UNC5D: variants seen among roughly 807,000 people sequenced by gnomAD.
UNC5D encodes the protein netrin receptor UNC5D.
UNC5D carries 39 observed loss-of-function variants against 105.4 expected under a neutral mutation model. The ratio of observed to expected loss-of-function variants is 0.37; its 90% CI spans 0.29 to 0.48. The LOEUF (loss-of-function observed/expected upper bound fraction) is 0.48. Ranked by LOEUF, UNC5D falls within the 20% of genes least tolerant of loss-of-function variation. The probability of loss-of-function intolerance (pLI) is 0.98; values close to 1 mark genes in which losing one functional copy is unlikely to be tolerated. For synonymous variants in UNC5D, 452 were observed against 450.4 expected, an observed-to-expected ratio of 1.00 and a Z score of -0.04; for missense variants, 991 against 1,202.4, an observed-to-expected ratio of 0.82 and a Z score of 2.60.
At chr8:35,509,670 C>G (rs904894331) in intron 1 of UNC5D, among the ~76,000 whole-genome samples, 18 of 151,376 alleles carry the variant, frequency 1.2e-4, no homozygotes, top group African/African-American at 4.4e-4. Context: ...TACCACAACA[C>G]AGAATACTTC....
At chr8:35,577,392 G>C (rs1239366733) in intron 3 of UNC5D, among the ~76,000 whole-genome samples, 1 of 152,182 alleles carries the variant, frequency 6.6e-6, no homozygotes, top group Non-Finnish European at 1.5e-5. Flanking sequence ...TGTTTTTGGA[G>C]AGTGAAGGTC....
chr8:35,268,298 G>A (rs1341261521), intron 1 of UNC5D, among the ~76,000 whole-genome samples: 1 of 151,444 alleles, frequency 6.6e-6, no homozygotes, highest in Admixed American at 6.6e-5. Context: ...AAAAAAACCT[G>A]AAAAACGTGG....
At chr8:35,774,184 C>A in intron 15 of UNC5D, 115 bp from the exon 16 acceptor site, 1 of 1,176,302 alleles carries the variant, frequency 8.5e-7, no homozygotes, top group Non-Finnish European at 1.2e-6. Context: ...GAGTCCATCA[C>A]AACAGGCAAG....
chr8:35,334,612 A>C (rs1025983458), intron 1 of UNC5D, among the ~76,000 whole-genome samples: 1 of 151,858 alleles, frequency 6.6e-6, no homozygotes, highest in Non-Finnish European at 1.5e-5. Context: ...TCCCAGATTC[A>C]AGCAATTCTC....
intron 1 of UNC5D, among the ~76,000 whole-genome samples, chr8:35,289,689 A>G (rs1396691585): frequency 6.6e-6 from 1 of 152,248 alleles, no homozygotes; most frequent in Non-Finnish European, 1.5e-5. Context: ...AACTCAAACA[A>G]TTCAATAGCA....
intron 4 of UNC5D, among the ~76,000 whole-genome samples, chr8:35,640,261 GT>G (rs1822632139): frequency 6.6e-6 from 1 of 151,956 alleles, no homozygotes; most frequent in South Asian, 2.1e-4. Flanking sequence ...AGGTTTCTTG[GT>G]TGCACAAAAT....
chr8:35,253,671 A>G (rs1803875380), intron 1 of UNC5D, among the ~76,000 whole-genome samples: 1 of 151,388 alleles, frequency 6.6e-6, no homozygotes, highest in Admixed American at 6.6e-5. Context: ...TATTTTTTTT[A>G]GTAGAGATGG....
chr8:35,283,353 A>G (rs1806336647), intron 1 of UNC5D, among the ~76,000 whole-genome samples: 1 of 152,160 alleles, frequency 6.6e-6, no homozygotes, highest in Non-Finnish European at 1.5e-5. Flanking sequence ...CTCTAATTAT[A>G]TCTGTGATGG....
At chr8:35,533,351 G>T (rs1352278421) in intron 1 of UNC5D, among the ~76,000 whole-genome samples, 1 of 152,104 alleles carries the variant, frequency 6.6e-6, no homozygotes, top group Admixed American at 6.5e-5. Context: ...CTCCCAGTTA[G>T]GCTGCTCGGG....
rs112550671 is a variant in UNC5D at position 35,411,134 on chromosome 8, C to A, written c.104-138158C>A. Among the ~76,000 whole-genome samples the A allele has an allele frequency of 4.6e-5, 7 of 152,066 alleles. 1 individual carries two copies. Among genetic ancestry groups the A allele is most frequent in the African/African-American group, 1.7e-4 (7 of 41,510 alleles). The stretch of plus-strand genomic sequence containing the variant: ...AGATAACAGGATAGTTTGAGAGGGG[C>A]ACCTAGTTAGTACAGGACAGTGCTA... On this transcript the variant is annotated intron_variant, in intron 1 of 16. Coordinates refer to ENST00000404895, the MANE Select transcript of UNC5D (RefSeq NM_080872.4).
At chr8:35,737,726 G>A (rs1829548533) in intron 11 of UNC5D, among the ~76,000 whole-genome samples, 1 of 152,060 alleles carries the variant, frequency 6.6e-6, no homozygotes, top group Non-Finnish European at 1.5e-5. Flanking sequence ...AGAATATGCT[G>A]GTCCTGGAAC....
At chr8:35,506,033 T>A (rs531777290) in intron 1 of UNC5D, among the ~76,000 whole-genome samples, 2 of 152,388 alleles carry the variant, frequency 1.3e-5, no homozygotes, top group Admixed American at 1.3e-4. Flanking sequence ...TTTTTCTTGC[T>A]TTTAAGCTTG....
chr8:35,770,262 A>G (rs1432941135), intron 15 of UNC5D, among the ~76,000 whole-genome samples: 2 of 152,146 alleles, frequency 1.3e-5, no homozygotes, highest in African/African-American at 4.8e-5. Flanking sequence ...AAATACTTTA[A>G]ATATTGATTT....
At chr8:35,472,549 A>G (rs1251149869) in intron 1 of UNC5D, among the ~76,000 whole-genome samples, 1 of 152,208 alleles carries the variant, frequency 6.6e-6, no homozygotes, top group African/African-American at 2.4e-5. Flanking sequence ...AAGACTGACA[A>G]GAATGATAGC....
chr8:35,282,685 G>T (rs1806274968), intron 1 of UNC5D, among the ~76,000 whole-genome samples: 1 of 131,100 alleles, frequency 7.6e-6, no homozygotes, highest in African/African-American at 2.8e-5. Context: ...AACTTATTTT[G>T]CTTAACTAAC....
At chr8:35,259,543 C>T (rs1260277103) in intron 1 of UNC5D, among the ~76,000 whole-genome samples, 1 of 152,148 alleles carries the variant, frequency 6.6e-6, no homozygotes, top group Admixed American at 6.6e-5. Context: ...GTAACTACTC[C>T]CCATCACGTT....
intron 1 of UNC5D, among the ~76,000 whole-genome samples, chr8:35,482,993 A>T (rs942463001): frequency 6.6e-6 from 1 of 151,380 alleles, no homozygotes; most frequent in African/African-American, 2.4e-5. Flanking sequence ...AGTAGAGAGG[A>T]GGTTTCACCA....
At chr8:35,556,429 GT>G (rs1816554919) in intron 2 of UNC5D, among the ~76,000 whole-genome samples, 1 of 152,116 alleles carries the variant, frequency 6.6e-6, no homozygotes, top group South Asian at 2.1e-4. Context: ...CAGAAAAGGG[GT>G]CCTGATCCAG....
chr8:35,275,748 G>GTAAAAT (rs1805731113), intron 1 of UNC5D, among the ~76,000 whole-genome samples: 1 of 152,156 alleles, frequency 6.6e-6, no homozygotes, highest in Non-Finnish European at 1.5e-5. Context: ...TTTATCTCCT[G>GTAAAAT]GGGCTTGAAG....
Sources: gnomAD v4.1 joint callset for allele counts (sites outside exome capture counted in the v4.1 genomes callset) on GRCh38, gnomAD v4.1.1 for gene constraint, MANE v1.5 for transcripts, NCBI Gene and HGNC (gene_info 2026-07-23, HGNC 2026-07-21) for gene names.